TTBK1: variants seen among roughly 807,000 people sequenced by gnomAD.
TTBK1 encodes tau-tubulin kinase 1.
A neutral mutation model predicts 108.5 loss-of-function variants in TTBK1; 34 were observed. That is an observed-to-expected ratio of 0.31 (90% CI 0.24 to 0.42). TTBK1 has a LOEUF of 0.42. Among genes scored for constraint, TTBK1 ranks in the 10% least tolerant of loss-of-function variants. The pLI is 1.00. For synonymous variants in TTBK1, 809 were observed against 795.1 expected, an observed-to-expected ratio of 1.02 and a Z score of -0.29; for missense variants, 1,539 against 1,826.0, an observed-to-expected ratio of 0.84 and a Z score of 2.86.
Position 43,259,436 on chromosome 6 carries a change from C to T in TTBK1, c.1249-95C>T. 1 of 1,386,912 alleles carries T rather than the reference C, an allele frequency of 7.2e-7. No homozygotes were observed. Among genetic ancestry groups the T allele is most frequent in the Admixed American group, 2.7e-5 (1 of 37,722 alleles). The allele number at this position is 1,386,912 out of a possible 1,614,324, so 85.9% of individuals were successfully genotyped here. A position where few individuals can be genotyped will look rare whatever the true frequency, so the allele number is the denominator to read the frequency against. On this transcript the variant is annotated intron_variant, in intron 11 of 14. Coordinates refer to ENST00000259750, the MANE Select transcript of TTBK1 (RefSeq NM_032538.3). This position sits in a 1 kb window ranked among gnomAD's most constrained non-coding sequence, Gnocchi z 6.7. ...CCCGCACTAGCCTCGCTGTGTCTTC[C>T]ATCATCATCATCCTCTGTCTCCTTC...
Position 43,262,880 on chromosome 6 carries a change from C to T in TTBK1, c.1516C>T (p.Arg506Ter). The T allele has an allele frequency of 6.2e-7, 1 of 1,613,260 alleles. No homozygotes were observed. The highest frequency in any genetic ancestry group is 8.5e-7 in the Non-Finnish European group (1 of 1,179,678). Residue 506 changes from arginine to a stop codon, truncating the protein, a stop_gained, in exon 13 of 15, where the codon CGA becomes TGA. Transcript: ENST00000259750. LOFTEE classifies it high-confidence loss of function. ...GTCAGTGGACACAGGCCACGCTGACCGACAGGCCAGTGGCCGCATGGACGT... is the reference window on the plus strand; with the variant it reads ...GTCAGTGGACACAGGCCACGCTGACTGACAGGCCAGTGGCCGCATGGACGT... ...MLSVDTGHAD[R>*]QASGRMDVSA...
chr6:43,273,119 A>T lies in TTBK1; in HGVS notation c.1987-9608A>T, dbSNP rs1777878575. On this transcript the variant is annotated intron_variant, in intron 13 of 14. Coordinates refer to ENST00000259750, the MANE Select transcript of TTBK1 (RefSeq NM_032538.3). This position sits in a 1 kb window ranked among gnomAD's most constrained non-coding sequence, Gnocchi z 4.2. ...GATAGCTTATGAGGTAGATCCCAGT[A>T]TTATCTGCATTCAACAAATTAATCA... is the stretch of plus-strand genomic sequence containing the variant. Among the ~76,000 whole-genome samples, 1 of 152,186 alleles carries T rather than the reference A, an allele frequency of 6.6e-6. No homozygotes were observed. The highest frequency in any genetic ancestry group is 6.5e-5 in the Admixed American group (1 of 15,272).
chr6:43,268,924 G>A (rs1205994274), intron 13 of TTBK1, among the ~76,000 whole-genome samples: 2 of 152,220 alleles, frequency 1.3e-5, no homozygotes, highest in Non-Finnish European at 2.9e-5. Context: ...GGCGGGTGCT[G>A]TTCCAAGTAC....
chr6:43,257,807 T>C lies in TTBK1; in HGVS notation c.862-5T>C. On this transcript the variant is annotated splice_polypyrimidine_tract_variant and splice_region_variant and intron_variant, in intron 9 of 14. Transcript: ENST00000259750. This position sits in a 1 kb window ranked among gnomAD's most constrained non-coding sequence, Gnocchi z 4.5. ...CTGTCCTCCCATCACCCTCACCCCC[T>C]GCAGTTGATCATGTCAGTGTTTGAG... 1 of 1,612,372 alleles carries C rather than the reference T, an allele frequency of 6.2e-7. No individual in the cohort carries two copies. Among genetic ancestry groups the C allele is most frequent in the East Asian group, 2.2e-5 (1 of 44,844 alleles).
chr6:43,278,319 G>T (rs1469740002), intron 13 of TTBK1, among the ~76,000 whole-genome samples: 1 of 152,178 alleles, frequency 6.6e-6, no homozygotes, highest in Admixed American at 6.5e-5. Flanking sequence ...TAGCCCTCTA[G>T]ATGAGGCACA....
Position 43,282,855 on chromosome 6 carries a change from C to A in TTBK1, c.2115C>A (p.Val705=). The A allele has an allele frequency of 6.2e-7, 1 of 1,614,010 alleles. No homozygotes were observed. The highest frequency in any genetic ancestry group is 8.5e-7 in the Non-Finnish European group (1 of 1,179,990). Reference sequence around the variant, plus strand: ...AACGGGCGCGGTTGCTCAACAGGGTCCGGAGGGTGGGCTTCTCGCACATGC... The same window carrying A: ...AACGGGCGCGGTTGCTCAACAGGGTACGGAGGGTGGGCTTCTCGCACATGC... ...YRERARLLNR[V]RRVGFSHMLL... Residue 705 remains valine, a synonymous_variant, in exon 14 of 15, where the codon GTC becomes GTA. Coordinates refer to ENST00000259750, the MANE Select transcript of TTBK1 (RefSeq NM_032538.3). This position sits in a 1 kb window ranked among gnomAD's most constrained non-coding sequence, Gnocchi z 5.4.
Position 43,284,991 on chromosome 6 carries a change from T to G in TTBK1, c.3581T>G (p.Leu1194Arg), listed in dbSNP as rs1778320024. Residue 1194 changes from leucine (L) to arginine (R), a missense_variant, in exon 15 of 15, where the codon CTG becomes CGG. Around this residue, in one of 5 missense-constraint regions of TTBK1, gnomAD observed 1,055 missense variants for 1,086.5 expected, o/e 0.97. Coordinates refer to ENST00000259750, the MANE Select transcript of TTBK1 (RefSeq NM_032538.3). ...CTTCTGCTCTCAAGCAGGCTCCAGC[T>G]GCAGACGCCCCCAGGGTCGGCCACT... ...LDTAITSRLQLQTPPGSATAA... is the reference protein window; with the variant it reads ...LDTAITSRLQRQTPPGSATAA... 1 of 1,516,082 alleles carries G rather than the reference T, an allele frequency of 6.6e-7. No individual in the cohort carries two copies. Among genetic ancestry groups the G allele is most frequent in the African/African-American group, 1.4e-5 (1 of 70,082 alleles). The allele number at this position is 1,516,082 out of a possible 1,614,324, so 93.9% of individuals were successfully genotyped here.
At position 43,276,955 on chromosome 6, in the gene TTBK1, G is replaced by A. The variant is rs1234279856; in HGVS notation, c.1987-5772G>A. On this transcript the variant is annotated intron_variant, in intron 13 of 14. Transcript: ENST00000259750. This position sits in a 1 kb window ranked among gnomAD's most constrained non-coding sequence, Gnocchi z 5.4. ...CGGGTGGGGAGGGAAGGGGTGAGTG[G>A]ACTCTGGTCTCTGGGACTCAGCTCC... is the stretch of plus-strand genomic sequence containing the variant. Among the ~76,000 whole-genome samples, 5 of 150,228 alleles carry A rather than the reference G, an allele frequency of 3.3e-5. No individual in the cohort carries two copies. The highest frequency in any genetic ancestry group is 7.4e-5 in the Non-Finnish European group (5 of 67,996).
intron 2 of TTBK1, chr6:43,248,106 G>T (rs1299412376): frequency 6.6e-6 from 1 of 152,228 alleles, no homozygotes; most frequent in Non-Finnish European, 1.5e-5. Flanking sequence ...CACTGAAGTG[G>T]TGAGGAAAAG....
Position 43,269,032 on chromosome 6 carries a change from T to A in TTBK1, c.1986+5682T>A, listed in dbSNP as rs974328362. On this transcript the variant is annotated intron_variant, in intron 13 of 14. Transcript: ENST00000259750. The surrounding 1 kb of genome is among the most constrained non-coding windows in gnomAD (Gnocchi z 4.8). ...AGGAGGAAGCTGAGGCTCAGAGAGG[T>A]GCAGTAACTTGCTCAAGGTCACTCA... Among the ~76,000 whole-genome samples, 1 of 152,068 alleles carries A rather than the reference T, an allele frequency of 6.6e-6. No homozygotes were observed. Among genetic ancestry groups the A allele is most frequent in the Non-Finnish European group, 1.5e-5 (1 of 68,006 alleles).
Position 43,285,026 on chromosome 6 carries a change from C to G in TTBK1, c.3616C>G (p.Leu1206Val). Residue 1206 changes from leucine to valine, a missense_variant, in exon 15 of 15, where the codon CTC (leucine) becomes GTC (valine). By Grantham distance (32) the Leu-to-Val change is conservative. Around this residue, in one of 5 missense-constraint regions of TTBK1, gnomAD observed 1,055 missense variants for 1,086.5 expected, o/e 0.97. Transcript: ENST00000259750. The surrounding 1 kb of genome is among the most constrained non-coding windows in gnomAD (Gnocchi z 4.7). The part of the protein sequence containing the change: ...TPPGSATAAD[L>V]RPKQPPGRGL... Reference sequence around the variant, plus strand: ...CCCAGGGTCGGCCACTGCTGCTGACCTCCGCCCCAAACAACCTCCTGGCCG... The same window carrying G: ...CCCAGGGTCGGCCACTGCTGCTGACGTCCGCCCCAAACAACCTCCTGGCCG... 1 of 1,516,740 alleles carries G rather than the reference C, an allele frequency of 6.6e-7. No homozygotes were observed. The highest frequency in any genetic ancestry group is 8.8e-7 in the Non-Finnish European group (1 of 1,138,330). 94.0% of individuals were successfully genotyped at this position (1,516,740 alleles called of 1,614,324 possible).
At chr6:43,245,263 C>A (rs1582468014) in intron 1 of TTBK1, among the ~76,000 whole-genome samples, 1 of 152,202 alleles carries the variant, frequency 6.6e-6, no homozygotes, top group South Asian at 2.1e-4. Flanking sequence ...CCGCAACCCC[C>A]AAACCCCAGC....
chr6:43,267,096 G>A (rs12663994), intron 13 of TTBK1, among the ~76,000 whole-genome samples: 35,811 of 151,418 alleles, frequency 0.24, 4,425 homozygotes, highest in East Asian at 0.36. Flanking sequence ...AGGTGTGCCT[G>A]TGGCCATGTC....
At position 43,253,561 on chromosome 6, in the gene TTBK1, C is replaced by A; in HGVS notation, c.331-7C>A. 1 of 1,603,580 alleles carries A rather than the reference C, an allele frequency of 6.2e-7. No individual in the cohort carries two copies. On this transcript the variant is annotated splice_polypyrimidine_tract_variant and splice_region_variant and intron_variant, in intron 4 of 14. Coordinates refer to ENST00000259750, the MANE Select transcript of TTBK1 (RefSeq NM_032538.3). This position sits in a 1 kb window ranked among gnomAD's most constrained non-coding sequence, Gnocchi z 5.8. ...TGAGTCTACCCCCCACCTCCACCCC[C>A]ATGCAGGGCCGGAACCTGGCCGACC... is the stretch of plus-strand genomic sequence containing the variant.
chr6:43,263,385 A>G lies in TTBK1; in HGVS notation c.1986+35A>G, dbSNP rs1777599109. 6.9e-7 allele frequency: 1 copy of G among 1,444,446 alleles called. No homozygotes were observed. The highest frequency in any genetic ancestry group is 2.0e-4 in the Middle Eastern group (1 of 4,882). 89.5% of individuals were successfully genotyped at this position (1,444,446 alleles called of 1,614,324 possible). The stretch of plus-strand genomic sequence containing the variant: ...GGCTTGCACCCCACTCCCCATCTCC[A>G]GATGCCCAGAGTCCTGGTGTGTAGG... On this transcript the variant is annotated intron_variant, in intron 13 of 14. Transcript: ENST00000259750. The surrounding 1 kb of genome is among the most constrained non-coding windows in gnomAD (Gnocchi z 4.7).
At chr6:43,255,897 T>A (rs763061957) in intron 9 of TTBK1, 41 bp downstream of exon 9, 24 of 1,612,360 alleles carry the variant, frequency 1.5e-5, no homozygotes, top group Middle Eastern at 1.6e-4. Context: ...TCGACACCAC[T>A]CTGTGAGTGA....
Position 43,269,989 on chromosome 6 carries a change from G to C in TTBK1, c.1986+6639G>C, listed in dbSNP as rs1302614687. 27 of 1,429,362 alleles carry C rather than the reference G, an allele frequency of 1.9e-5. No individual in the cohort carries two copies. Among genetic ancestry groups the C allele is most frequent in the East Asian group, 1.5e-4 (6 of 39,096 alleles). The allele number at this position is 1,429,362 out of a possible 1,614,324, so 88.5% of individuals were successfully genotyped here. ...CCCTCCTGGAGGGGGCAGGTGGGGG[G>C]GGGTGGGGAGCAGGCAGAGGACCAT... is the stretch of plus-strand genomic sequence containing the variant. On this transcript the variant is annotated intron_variant, in intron 13 of 14. Coordinates refer to ENST00000259750, the MANE Select transcript of TTBK1 (RefSeq NM_032538.3). This position sits in a 1 kb window ranked among gnomAD's most constrained non-coding sequence, Gnocchi z 4.8.
Position 43,284,248 on chromosome 6 carries a change from G to C in TTBK1, c.3508G>C (p.Ala1170Pro). 2 of 1,595,414 alleles carry C rather than the reference G, an allele frequency of 1.3e-6. No homozygotes were observed. The highest frequency in any genetic ancestry group is 1.7e-6 in the Non-Finnish European group (2 of 1,177,458). ...CCTCCGCATGCCCATGCCTGTTGCA[G>C]CCCAGCAGCCCGCCAGCAGATCCCA... ...IGLRMPMPVAAQQPASRSHGA... is the reference protein window; with the variant it reads ...IGLRMPMPVAPQQPASRSHGA... Residue 1170 changes from alanine to proline, a missense_variant, in exon 14 of 15, where the codon GCC becomes CCC. Around this residue, in one of 5 missense-constraint regions of TTBK1, gnomAD observed 1,055 missense variants for 1,086.5 expected, o/e 0.97. Coordinates refer to ENST00000259750, the MANE Select transcript of TTBK1 (RefSeq NM_032538.3).
chr6:43,271,410 T>C (rs552573158), intron 13 of TTBK1: 2 of 985,434 alleles, frequency 2.0e-6, no homozygotes, highest in Admixed American at 6.1e-5. Context: ...CGTGCGCAAG[T>C]TGCACAGTGC....
Sources: gnomAD v4.1 joint callset for allele counts (sites outside exome capture counted in the v4.1 genomes callset) on GRCh38, gnomAD v4.1.1 for gene constraint, gnomAD v4.1.1 regional missense constraint, Gnocchi (gnomAD v3.1) non-coding constraint, MANE v1.5 for transcripts, NCBI Gene and HGNC (gene_info 2026-07-23, HGNC 2026-07-21) for gene names.